TLL1: variants seen among roughly 807,000 people sequenced by gnomAD.
The protein encoded by TLL1 is tolloid-like protein 1.
In TLL1, 49 loss-of-function variants were observed where a neutral mutation model predicts 128.2. The observed-to-expected ratio is 0.38, with a 90% CI of 0.30 to 0.48. TLL1 has a LOEUF of 0.48. TLL1 is among the 20% of genes least tolerant of loss of function. The probability of loss-of-function intolerance (pLI) is 0.96; values close to 1 mark genes in which losing one functional copy is unlikely to be tolerated. For missense variants in TLL1, 1,123 were observed against 1,242.0 expected, an observed-to-expected ratio of 0.90 and a Z score of 1.44; for synonymous variants, 454 against 418.8, an observed-to-expected ratio of 1.08 and a Z score of -1.03.
At chr4:165,885,239 G>A (rs1377766532) in intron 1 of TLL1, among the ~76,000 whole-genome samples, 1 of 152,054 alleles carries the variant, frequency 6.6e-6, no homozygotes, top group African/African-American at 2.4e-5. Context: ...GTTTTCCTGG[G>A]CCTCAGCCTC....
chr4:166,094,819 A>G (rs903741264), intron 19 of TLL1, among the ~76,000 whole-genome samples: 9 of 152,062 alleles, frequency 5.9e-5, no homozygotes. Context: ...TTTCTCCTCA[A>G]AATCTCTTTA....
intron 1 of TLL1, among the ~76,000 whole-genome samples, chr4:165,874,768 G>C (rs1730649495): frequency 6.6e-6 from 1 of 152,252 alleles, no homozygotes; most frequent in Non-Finnish European, 1.5e-5. Context: ...GACCGGCACT[G>C]CCTGAAGCTC....
chr4:165,995,260 T>C (rs1736822569), intron 5 of TLL1, 82 bp downstream of exon 5: 14 of 1,041,912 alleles, frequency 1.3e-5, no homozygotes, highest in Non-Finnish European at 2.1e-5. Flanking sequence ...GTAAGATTTA[T>C]TTCTTAAGAT....
In TLL1 at chr4:165,908,761, G is replaced by C. The variant is rs66680240; in HGVS notation, c.169+34688G>C. 8.8e-3 allele frequency among the ~76,000 whole-genome samples: 1,333 copies of C among 152,102 alleles called. 9 individuals carry two copies. Among genetic ancestry groups the C allele is most frequent in the Non-Finnish European group, 0.013 (880 of 67,978 alleles). ...GTAGGTCAAGCACAGAGGCAGGAGA[G>C]ACTGTGAGTAAACCCTTGCAGTAAT... On this transcript the variant is annotated intron_variant, in intron 1 of 20. Coordinates refer to ENST00000061240, the MANE Select transcript of TLL1 (RefSeq NM_012464.5).
intron 1 of TLL1, among the ~76,000 whole-genome samples, chr4:165,983,319 GA>G (rs1230861931): frequency 2.0e-5 from 3 of 151,714 alleles, no homozygotes; most frequent in Non-Finnish European, 4.4e-5. Flanking sequence ...TTTGTTTTCT[GA>G]CCTAAATAGA....
chr4:165,964,347 G>T (rs1735265267), intron 1 of TLL1, among the ~76,000 whole-genome samples: 1 of 152,158 alleles, frequency 6.6e-6, no homozygotes, highest in African/African-American at 2.4e-5. Flanking sequence ...TAGTTATGAG[G>T]ATAATTATGC....
intron 1 of TLL1, among the ~76,000 whole-genome samples, chr4:165,972,040 G>A (rs982816801): frequency 2.0e-5 from 3 of 152,178 alleles, no homozygotes; most frequent in Admixed American, 6.5e-5. Flanking sequence ...TCTTGCCTGG[G>A]GTGGGGAATG....
chr4:166,002,976 A>C (rs2111033130), intron 5 of TLL1, among the ~76,000 whole-genome samples: 1 of 152,310 alleles, frequency 6.6e-6, no homozygotes, highest in Non-Finnish European at 1.5e-5. Context: ...TAGTAACCTA[A>C]GTAATTAATA....
chr4:166,062,587 G>T (rs1451549187), intron 15 of TLL1, among the ~76,000 whole-genome samples: 3 of 152,234 alleles, frequency 2.0e-5, no homozygotes, highest in African/African-American at 7.2e-5. Context: ...AGACTTTGCT[G>T]AAGTTGGTTT....
intron 9 of TLL1, among the ~76,000 whole-genome samples, chr4:166,036,771 A>G (rs1267547030): frequency 1.3e-5 from 2 of 149,676 alleles, no homozygotes; most frequent in African/African-American, 4.9e-5. Context: ...TTTTCTGCTT[A>G]GAGTTATCCC....
rs1370941242 is a variant in TLL1, at chr4:165,992,844, C to T, written c.321C>T (p.Ala107=). The change falls in exon 3 of 21, where the codon GCC becomes GCT. Residue 107 remains alanine (A), a synonymous_variant. Coordinates refer to ENST00000061240, the MANE Select transcript of TLL1 (RefSeq NM_012464.5). ...GDHAMSKKRG[A]LYQLIDRIRR... is the part of the protein sequence containing the mutation. Reference sequence around the variant, plus strand: ...ATGCTATGTCAAAGAAGCGAGGGGCCCTCTACCAACTTATAGACAGGATAA... The same window carrying T: ...ATGCTATGTCAAAGAAGCGAGGGGCTCTCTACCAACTTATAGACAGGATAA... 3 of 1,613,238 alleles carry T rather than the reference C, an allele frequency of 1.9e-6. No homozygotes were observed. Among genetic ancestry groups the T allele is most frequent in the South Asian group, 2.2e-5 (2 of 91,068 alleles).
At chr4:165,991,803 C>A (rs1460942787) in intron 2 of TLL1, among the ~76,000 whole-genome samples, 2 of 151,858 alleles carry the variant, frequency 1.3e-5, no homozygotes, top group Non-Finnish European at 2.9e-5. Context: ...TTTGTCTTAG[C>A]CCAAAGATAC....
chr4:166,056,866 CA>C (rs1436828793), intron 13 of TLL1, among the ~76,000 whole-genome samples: 1 of 152,072 alleles, frequency 6.6e-6, no homozygotes, highest in Non-Finnish European at 1.5e-5. Context: ...CGTTATCCAT[CA>C]GGGGCTTATA....
intron 15 of TLL1, among the ~76,000 whole-genome samples, chr4:166,065,148 C>T (rs1740511910): frequency 6.6e-6 from 1 of 152,102 alleles, no homozygotes; most frequent in African/African-American, 2.4e-5. Context: ...ACCTCCTTTG[C>T]ACTGAATAGA....
chr4:165,905,020 A>G (rs193283480), intron 1 of TLL1, among the ~76,000 whole-genome samples: 2 of 152,360 alleles, frequency 1.3e-5, no homozygotes, highest in East Asian at 1.9e-4. Flanking sequence ...ATGAAGGGCA[A>G]TTTACAAAAT....
At chr4:165,893,937 A>G (rs1731537564) in intron 1 of TLL1, among the ~76,000 whole-genome samples, 1 of 152,202 alleles carries the variant, frequency 6.6e-6, no homozygotes, top group Non-Finnish European at 1.5e-5. Flanking sequence ...CCAGCCACCA[A>G]CAAATTGAAA....
chr4:166,027,408 T>TCTTGATG (rs1560820910), intron 9 of TLL1, among the ~76,000 whole-genome samples: 1 of 152,168 alleles, frequency 6.6e-6, no homozygotes, highest in Non-Finnish European at 1.5e-5. Flanking sequence ...AACTGAATGG[T>TCTTGATG]ATTAGGAGAT....
intron 1 of TLL1, among the ~76,000 whole-genome samples, chr4:165,938,517 TA>T (rs1733865347): frequency 6.6e-6 from 1 of 152,128 alleles, no homozygotes; most frequent in Non-Finnish European, 1.5e-5. Context: ...TACAACTCAT[TA>T]GTTGAATACT....
intron 1 of TLL1, among the ~76,000 whole-genome samples, chr4:165,890,044 G>A (rs1427905527): frequency 2.6e-5 from 4 of 152,116 alleles, no homozygotes; most frequent in African/African-American, 2.4e-5. Flanking sequence ...GGAAGGGGAA[G>A]CAAACACATC....
Sources: allele counts gnomAD v4.1 joint callset (sites outside exome capture counted in the v4.1 genomes callset), GRCh38; gene constraint gnomAD v4.1.1; transcripts MANE v1.5; gene names NCBI Gene and HGNC (gene_info 2026-07-23, HGNC 2026-07-21).